Variants in NRXN3 observed in about 807,000 individuals in gnomAD.
The protein encoded by NRXN3 is neurexin III.
NRXN3 carries 32 observed loss-of-function variants against 137.6 expected under a neutral mutation model. The observed-to-expected ratio is 0.23, with a 90% CI of 0.18 to 0.31. NRXN3 has a LOEUF of 0.31. Ranked by LOEUF, NRXN3 falls within the 10% of genes least tolerant of loss-of-function variation. The pLI is 1.00. For missense variants in NRXN3, 1,574 were observed against 2,062.5 expected (o/e 0.76, Z 4.59); for synonymous variants, 798 against 784.5 (o/e 1.02, Z -0.29).
chr14:79,316,674 C>T (rs1040125290), intron 15 of NRXN3, among the ~76,000 whole-genome samples: 2 of 151,622 alleles, frequency 1.3e-5, no homozygotes, highest in African/African-American at 4.9e-5. Context: ...CTCCACTCCT[C>T]AGGTAACTCT....
At chr14:79,435,597 C>CAA (rs892123941) in intron 15 of NRXN3, among the ~76,000 whole-genome samples, 4 of 135,182 alleles carry the variant, frequency 3.0e-5, no homozygotes, top group Non-Finnish European at 4.7e-5. Context: ...CTAAGATACA[C>CAA]ACACACACAC....
chr14:79,406,257 T>TC (rs1270067200), intron 15 of NRXN3, among the ~76,000 whole-genome samples: 1 of 90,394 alleles, frequency 1.1e-5, no homozygotes, highest in Admixed American at 1.4e-4. Context: ...TCCCCTCCCC[T>TC]CCCATCCTCT....
chr14:79,058,958 G>C (rs1354992070), intron 15 of NRXN3, among the ~76,000 whole-genome samples: 1 of 152,196 alleles, frequency 6.6e-6, no homozygotes, highest in Admixed American at 6.5e-5. Flanking sequence ...GGATCTGTGA[G>C]TCAATTAAAC....
intron 15 of NRXN3, among the ~76,000 whole-genome samples, chr14:79,170,456 T>C (rs561060181): frequency 3.2e-4 from 49 of 152,230 alleles, no homozygotes; most frequent in African/African-American, 1.1e-3. Context: ...GCTACAGTTA[T>C]GCAGAAAATA....
At chr14:78,980,304 G>A (rs2099486290) in intron 14 of NRXN3, among the ~76,000 whole-genome samples, 1 of 152,182 alleles carries the variant, frequency 6.6e-6, no homozygotes, top group Admixed American at 6.5e-5. Flanking sequence ...TCTGCCTGCT[G>A]CACCCTACAT....
At chr14:79,026,786 A>G (rs1306722825) in intron 15 of NRXN3, among the ~76,000 whole-genome samples, 3 of 151,886 alleles carry the variant, frequency 2.0e-5, no homozygotes, top group South Asian at 2.1e-4. Context: ...CTACAGTCCT[A>G]TCACCTCAAA....
rs1366885080 is a variant in NRXN3, at chr14:78,784,080, AAC to A, written c.2045-19538_2045-19537del. Among the ~76,000 whole-genome samples the A allele has an allele frequency of 7.0e-3, 1,062 of 150,682 alleles. 9 individuals carry two copies. Among genetic ancestry groups the A allele is most frequent in the East Asian group, 0.021 (106 of 5,030 alleles). ...AACACATGAGAAAAAAAAAAAAAAAAACAACACCAAACAAAATTAATTAGATA... is the reference window on the plus strand; with the variant it reads ...AACACATGAGAAAAAAAAAAAAAAAAAACACCAAACAAAATTAATTAGATA... On this transcript the variant is annotated intron_variant, in intron 8 of 20. Transcript: ENST00000335750.
At chr14:78,224,884 A>G (rs2064330383) in intron 1 of NRXN3, among the ~76,000 whole-genome samples, 1 of 146,778 alleles carries the variant, frequency 6.8e-6, no homozygotes, top group Admixed American at 7.1e-5. Context: ...CTCCTGCCTC[A>G]GCCTCCCGAG....
intron 15 of NRXN3, among the ~76,000 whole-genome samples, chr14:79,089,107 C>T (rs879382146): frequency 6.6e-6 from 1 of 152,086 alleles, no homozygotes; most frequent in Non-Finnish European, 1.5e-5. Flanking sequence ...ATAATCCTCC[C>T]TATGTCCCAC....
chr14:78,542,077 T>C (rs1600186411), intron 4 of NRXN3, among the ~76,000 whole-genome samples: 1 of 152,202 alleles, frequency 6.6e-6, no homozygotes, highest in South Asian at 2.1e-4. Context: ...CTATATGAGG[T>C]GTCTGTCATC....
At chr14:79,730,418 C>T (rs933808585) in intron 19 of NRXN3, among the ~76,000 whole-genome samples, 9 of 152,192 alleles carry the variant, frequency 5.9e-5, no homozygotes, top group Non-Finnish European at 1.3e-4. Context: ...TTGATAGAGG[C>T]TACCAACCAA....
chr14:79,288,037 C>T (rs1345759337), intron 15 of NRXN3, among the ~76,000 whole-genome samples: 1 of 152,156 alleles, frequency 6.6e-6, no homozygotes, highest in African/African-American at 2.4e-5. Context: ...TTAAAGACAC[C>T]ACTGTGCATC....
chr14:78,235,676 C>G (rs1052302213), intron 1 of NRXN3, among the ~76,000 whole-genome samples: 4 of 151,846 alleles, frequency 2.6e-5, no homozygotes, highest in Non-Finnish European at 5.9e-5. Flanking sequence ...CCGCTTTCAG[C>G]ACAATATAAA....
intron 15 of NRXN3, among the ~76,000 whole-genome samples, chr14:79,322,065 C>G (rs1218006799): frequency 2.0e-5 from 3 of 151,828 alleles, no homozygotes; most frequent in Non-Finnish European, 4.4e-5. Flanking sequence ...AAGATCCCAT[C>G]TTAAAATAAA....
intron 15 of NRXN3, among the ~76,000 whole-genome samples, chr14:79,044,364 T>C (rs894826769): frequency 2.0e-4 from 31 of 152,202 alleles, no homozygotes; most frequent in African/African-American, 7.5e-4. Flanking sequence ...TAAAGTTCCC[T>C]GAGTTTGCTA....
chr14:78,170,858 C>G (rs745418894), intron 1 of NRXN3, among the ~76,000 whole-genome samples, 184 bp downstream of exon 1: 4 of 152,048 alleles, frequency 2.6e-5, no homozygotes, highest in Non-Finnish European at 5.9e-5. Context: ...TTTTCAACTG[C>G]CTTTCTTTTC....
At chr14:79,497,334 T>C (rs1162550725) in intron 16 of NRXN3, among the ~76,000 whole-genome samples, 1 of 152,140 alleles carries the variant, frequency 6.6e-6, no homozygotes, top group African/African-American at 2.4e-5. Context: ...GTTGATCTTG[T>C]TTCTACCTCA....
intron 15 of NRXN3, among the ~76,000 whole-genome samples, chr14:79,408,813 C>T (rs938695642): frequency 2.6e-5 from 4 of 152,100 alleles, no homozygotes; most frequent in Admixed American, 1.3e-4. Context: ...CTTTTGTCCT[C>T]TCCCTGGAAT....
chr14:79,523,242 C>A (rs1327489179), intron 16 of NRXN3, among the ~76,000 whole-genome samples: 1 of 152,104 alleles, frequency 6.6e-6, no homozygotes, highest in Non-Finnish European at 1.5e-5. Flanking sequence ...ACCCCAAATG[C>A]AGCTATCTTC....
Sources: allele counts gnomAD v4.1 joint callset (sites outside exome capture counted in the v4.1 genomes callset), GRCh38; gene constraint gnomAD v4.1.1; transcripts MANE v1.5; gene names NCBI Gene and HGNC (gene_info 2026-07-23, HGNC 2026-07-21).